The following ELOVL1 variants were observed in gnomAD, a reference collection of about 807,000 sequenced individuals.
ELOVL1 encodes ELOVL fatty acid elongase 1.
In ELOVL1, 10 loss-of-function variants were observed where a neutral mutation model predicts 37.8. The ratio of observed to expected loss-of-function variants is 0.26; its 90% CI spans 0.16 to 0.45. The LOEUF is 0.45. Ranked by LOEUF, ELOVL1 falls within the 20% of genes least tolerant of loss-of-function variation. The pLI is 1.00. For synonymous variants in ELOVL1, 133 were observed against 123.8 expected, an observed-to-expected ratio of 1.07 and a Z score of -0.49; for missense variants, 256 against 352.7, an observed-to-expected ratio of 0.73 and a Z score of 2.20.
In ELOVL1 at chr1:43,364,958, C is replaced by T; in HGVS notation, c.288G>A (p.Val96=). ...LSTYTWRCDP[V]DYSNSPEALR... is the part of the protein sequence containing the mutation. ...GTGCCTCAGGGCTGTTGGAATAGTC[C>T]ACAGGGTCACAGCGCCAGGTATAGG... The change falls in exon 4 of 8, where the codon GTG becomes GTA. Residue 96 remains valine, a synonymous_variant. Transcript: ENST00000372458. This position sits in a 1 kb window ranked among gnomAD's most constrained non-coding sequence, Gnocchi z 5.2. 1 of 1,613,942 alleles carries T rather than the reference C, an allele frequency of 6.2e-7. No individual in the cohort carries two copies. The highest frequency in any genetic ancestry group is 8.5e-7 in the Non-Finnish European group (1 of 1,179,942).
rs1482862612 is a variant in ELOVL1 at position 43,364,994 on chromosome 1, G to C, written c.252C>G (p.Gly84=). 3 of 1,613,612 alleles carry C rather than the reference G, an allele frequency of 1.9e-6. No homozygotes were observed. The South Asian group carries it at 3.3e-5, about 18-fold the overall frequency. The part of the protein sequence containing the change: ...LYIVYEFLMS[G]WLSTYTWRCD... ...AGCGCCAGGTATAGGTGCTCAGCCA[G>C]CCCGACATCAGGAACTGGGAAGGGA... Residue 84 remains glycine (G), a synonymous_variant, in exon 4 of 8, where the codon GGC becomes GGG. Coordinates refer to ENST00000372458, the MANE Select transcript of ELOVL1 (RefSeq NM_022821.4). The surrounding 1 kb of genome is among the most constrained non-coding windows in gnomAD (Gnocchi z 5.2).
chr1:43,363,562 C>A lies in ELOVL1; in HGVS notation c.*354G>T, dbSNP rs1647185322. The A allele has an allele frequency of 5.2e-6, 2 of 384,280 alleles. No individual in the cohort carries two copies. The highest frequency in any genetic ancestry group is 9.6e-6 in the Non-Finnish European group (2 of 208,676). The allele number at this position is 384,280 out of a possible 1,614,324, so 23.8% of individuals were successfully genotyped here. ...GGGTCCACAGTGACATTATTGCTGA[C>A]CTCTTCTGTGTGAGGAAAAAGGCCA... On this transcript the variant is annotated 3_prime_UTR_variant, in exon 8 of 8. Coordinates refer to ENST00000372458, the MANE Select transcript of ELOVL1 (RefSeq NM_022821.4).
chr1:43,363,914 T>G lies in ELOVL1; in HGVS notation c.*2A>C. ...GGTGGGCGCCTATCTAGGCCATGCTTCTCAGTTGGCCTTGACCTTGGCAAT... is the reference window on the plus strand; with the variant it reads ...GGTGGGCGCCTATCTAGGCCATGCTGCTCAGTTGGCCTTGACCTTGGCAAT... On this transcript the variant is annotated 3_prime_UTR_variant, in exon 8 of 8. Coordinates refer to ENST00000372458, the MANE Select transcript of ELOVL1 (RefSeq NM_022821.4). The G allele has an allele frequency of 6.2e-7, 1 of 1,612,726 alleles. No homozygotes were observed. The highest frequency in any genetic ancestry group is 8.5e-7 in the Non-Finnish European group (1 of 1,179,894).
In ELOVL1 at chr1:43,364,755, T is replaced by C; in HGVS notation, c.358A>G (p.Ile120Val). Residue 120 changes from isoleucine (I) to valine (V), a missense_variant, in exon 5 of 8, where the codon ATT becomes GTT. Physicochemically the swap from Ile to Val is conservative, Grantham distance 29. Coordinates refer to ENST00000372458, the MANE Select transcript of ELOVL1 (RefSeq NM_022821.4). This position sits in a 1 kb window ranked among gnomAD's most constrained non-coding sequence, Gnocchi z 5.2. ...VAWLFLFSKF[I>V]ELMDTVIFIL... is the part of the protein sequence containing the mutation. The stretch of plus-strand genomic sequence containing the variant: ...CTACTCACTGTGTCCATCAGCTCAA[T>C]GAACTTGGAGAAGAGGAAGAGCCAG... 6.2e-7 allele frequency: 1 copy of C among 1,614,162 alleles called. No individual in the cohort carries two copies. The highest frequency in any genetic ancestry group is 1.7e-5 in the Admixed American group (1 of 60,014).
Position 43,364,249 on chromosome 1 carries a change from C to A in ELOVL1, c.618+75G>T, listed in dbSNP as rs1647195051. The A allele has an allele frequency of 6.2e-7, 1 of 1,611,240 alleles. No individual in the cohort carries two copies. Among genetic ancestry groups the A allele is most frequent in the Non-Finnish European group, 8.5e-7 (1 of 1,178,562 alleles). ...GGGAGAGATGGGGTCAAAGGTGAGA[C>A]AGACTGGATAAAGGCAGGATCCAGG... On this transcript the variant is annotated intron_variant, in intron 7 of 7. Coordinates refer to ENST00000372458, the MANE Select transcript of ELOVL1 (RefSeq NM_022821.4). This position sits in a 1 kb window ranked among gnomAD's most constrained non-coding sequence, Gnocchi z 5.2.
In ELOVL1 at chr1:43,364,178, G is replaced by A. The variant is rs756714637; in HGVS notation, c.619-41C>T. On this transcript the variant is annotated intron_variant, in intron 7 of 7. Coordinates refer to ENST00000372458, the MANE Select transcript of ELOVL1 (RefSeq NM_022821.4). This position sits in a 1 kb window ranked among gnomAD's most constrained non-coding sequence, Gnocchi z 5.2. ...ACCAGGGTCAGAGGGAATAGTGAGA[G>A]GACTAGAGGGGAAGAGGGGGTAGAG... 2 of 1,611,490 alleles carry A rather than the reference G, an allele frequency of 1.2e-6. No homozygotes were observed. The highest frequency in any genetic ancestry group is 2.7e-5 in the African/African-American group (2 of 74,780).
intron 1 of ELOVL1, among the ~76,000 whole-genome samples, chr1:43,366,094 C>T (rs920151651): frequency 1.3e-5 from 2 of 152,022 alleles, no homozygotes; most frequent in African/African-American, 4.8e-5. Context: ...CTCTTCCCAT[C>T]CCTCTGGACC....
rs984145675 is a variant in ELOVL1 at position 43,364,221 on chromosome 1, G to C, written c.619-84C>G. The C allele has an allele frequency of 1.2e-5, 20 of 1,609,754 alleles. No individual in the cohort carries two copies. In the African/African-American group the frequency reaches 2.4e-4, roughly 19 times the overall value. On this transcript the variant is annotated intron_variant, in intron 7 of 7. Coordinates refer to ENST00000372458, the MANE Select transcript of ELOVL1 (RefSeq NM_022821.4). This position sits in a 1 kb window ranked among gnomAD's most constrained non-coding sequence, Gnocchi z 5.2. ...GGGTAGAGAAAGAGACAAACGTTGAGTAGGGAGAGATGGGGTCAAAGGTGA... is the reference window on the plus strand; with the variant it reads ...GGGTAGAGAAAGAGACAAACGTTGACTAGGGAGAGATGGGGTCAAAGGTGA...
Position 43,364,250 on chromosome 1 carries a change from A to T in ELOVL1, c.618+74T>A. 1 of 1,611,986 alleles carries T rather than the reference A, an allele frequency of 6.2e-7. No individual in the cohort carries two copies. Among genetic ancestry groups the T allele is most frequent in the East Asian group, 2.2e-5 (1 of 44,858 alleles). ...GGAGAGATGGGGTCAAAGGTGAGAC[A>T]GACTGGATAAAGGCAGGATCCAGGC... On this transcript the variant is annotated intron_variant, in intron 7 of 7. Transcript: ENST00000372458. This position sits in a 1 kb window ranked among gnomAD's most constrained non-coding sequence, Gnocchi z 5.2.
rs200393447 is a variant in ELOVL1 at position 43,365,357 on chromosome 1, G to A, written c.66C>T (p.Tyr22=). 52 of 1,612,854 alleles carry A rather than the reference G, an allele frequency of 3.2e-5. No individual in the cohort carries two copies. In the East Asian group the frequency reaches 1.1e-3, roughly 35 times the overall value. Residue 22 remains tyrosine (Y), a synonymous_variant, in exon 3 of 8, where the codon TAC becomes TAT. Coordinates refer to ENST00000372458, the MANE Select transcript of ELOVL1 (RefSeq NM_022821.4). The part of the protein sequence containing the change: ...MKHADPRIQG[Y]PLMGSPLLMT... ...TTAGCAAGGGGGACCCCATCAGAGGGTAGCCCTGGATCCGGGGATCTATGA... is the reference window on the plus strand; with the variant it reads ...TTAGCAAGGGGGACCCCATCAGAGGATAGCCCTGGATCCGGGGATCTATGA...
intron 1 of ELOVL1, 61 bp from the exon 2 acceptor site, chr1:43,365,684 G>T: frequency 6.5e-7 from 1 of 1,536,142 alleles, no homozygotes; most frequent in South Asian, 1.1e-5. Context: ...ATCCCACAGA[G>T]ATAAGACACA....
intron 1 of ELOVL1, chr1:43,366,191 A>G (rs1240299434): frequency 1.2e-5 from 2 of 162,514 alleles, no homozygotes; most frequent in African/African-American, 2.4e-5. Flanking sequence ...CCAGAACCTT[A>G]TCCTCGGATT....
At chr1:43,365,450 A>G (rs1012493766) in intron 2 of ELOVL1, 74 bp from the exon 3 acceptor site, 3 of 1,609,820 alleles carry the variant, frequency 1.9e-6, no homozygotes, top group African/African-American at 1.3e-5. Context: ...GTCTACAGAC[A>G]TGAGGTCAGG....
Position 43,365,014 on chromosome 1 carries a change from A to T in ELOVL1, c.238-6T>A, listed in dbSNP as rs372686851. 8 of 1,612,500 alleles carry T rather than the reference A, an allele frequency of 5.0e-6. No individual in the cohort carries two copies. The African/African-American group carries it at 6.7e-5, about 13-fold the overall frequency. On this transcript the variant is annotated splice_polypyrimidine_tract_variant and splice_region_variant and intron_variant, in intron 3 of 7. Coordinates refer to ENST00000372458, the MANE Select transcript of ELOVL1 (RefSeq NM_022821.4). ...AGCCAGCCCGACATCAGGAACTGGG[A>T]AGGGATGTGGATTAGACCACCAGAG... is the stretch of plus-strand genomic sequence containing the variant.
Position 43,365,197 on chromosome 1 carries a change from T to C in ELOVL1, c.226A>G (p.Ile76Val). 1 of 1,613,870 alleles carries C rather than the reference T, an allele frequency of 6.2e-7. No individual in the cohort carries two copies. Among genetic ancestry groups the C allele is most frequent in the African/African-American group, 1.3e-5 (1 of 74,960 alleles). ...NFSLVALSLY[I>V]VYEFLMSGWL... is the part of the protein sequence containing the mutation. ...TCCCAGGGGCCCACCTCATAGACAA[T>C]GTAGAGGGAGAGTGCCACCAGTGAG... Residue 76 changes from isoleucine to valine, a missense_variant, in exon 3 of 8, where the codon ATT becomes GTT. Ile to Val is a conservative substitution (Grantham distance 29). This residue lies in a region of ELOVL1 where 158 missense variants were observed against 189.4 expected (regional missense o/e 0.83). Coordinates refer to ENST00000372458, the MANE Select transcript of ELOVL1 (RefSeq NM_022821.4).
chr1:43,365,545 C>T lies in ELOVL1; in HGVS notation c.46+19G>A. ...TCCCGGGAAAGAAGGAAGGAAAGGG[C>T]TGGTGGATAGCGTCTTACCTGCGTG... On this transcript the variant is annotated intron_variant, in intron 2 of 7. Transcript: ENST00000372458. 1 of 1,614,074 alleles carries T rather than the reference C, an allele frequency of 6.2e-7. No homozygotes were observed. Among genetic ancestry groups the T allele is most frequent in the East Asian group, 2.2e-5 (1 of 44,868 alleles).
Position 43,365,396 on chromosome 1 carries a change from G to A in ELOVL1, c.47-20C>T, listed in dbSNP as rs374025661. 14 of 1,609,518 alleles carry A rather than the reference G, an allele frequency of 8.7e-6. No homozygotes were observed. The African/African-American group carries it at 1.9e-4, about 22-fold the overall frequency. ...GGGGATCTATGAATAAGGGTCAAAG[G>A]AATCAGGAAGAGTCACAGGGTTCGA... On this transcript the variant is annotated intron_variant, in intron 2 of 7. Transcript: ENST00000372458.
Position 43,363,750 on chromosome 1 carries a change from G to A in ELOVL1, c.*166C>T. The A allele has an allele frequency of 1.6e-6, 1 of 644,738 alleles. No individual in the cohort carries two copies. The highest frequency in any genetic ancestry group is 1.8e-5 in the African/African-American group (1 of 54,914). 39.9% of individuals were successfully genotyped at this position (644,738 alleles called of 1,614,324 possible). A position where few individuals can be genotyped will look rare whatever the true frequency, so the allele number is the denominator to read the frequency against. ...CGGGGGAAGTGGGTGAGGAACCAAA[G>A]CCGTGGTCCCTGTAGAGCAGCTGTG... is the stretch of plus-strand genomic sequence containing the variant. On this transcript the variant is annotated 3_prime_UTR_variant, in exon 8 of 8. Coordinates refer to ENST00000372458, the MANE Select transcript of ELOVL1 (RefSeq NM_022821.4).
At position 43,363,410 on chromosome 1, in the gene ELOVL1, C is replaced by T. The variant is rs1647183637; in HGVS notation, c.*506G>A. On this transcript the variant is annotated 3_prime_UTR_variant, in exon 8 of 8. Coordinates refer to ENST00000372458, the MANE Select transcript of ELOVL1 (RefSeq NM_022821.4). Reference sequence around the variant, plus strand: ...ATACACACAGCCTCCGTGGTTTCCTCTGTCACTTTTAATTAAGACACAAGT... The same window carrying T: ...ATACACACAGCCTCCGTGGTTTCCTTTGTCACTTTTAATTAAGACACAAGT... The T allele has an allele frequency of 2.1e-6, 1 of 478,708 alleles. No individual in the cohort carries two copies. Among genetic ancestry groups the T allele is most frequent in the Non-Finnish European group, 3.7e-6 (1 of 271,322 alleles). 29.7% of individuals were successfully genotyped at this position (478,708 alleles called of 1,614,324 possible).
Sources: gnomAD v4.1 joint callset for allele counts (sites outside exome capture counted in the v4.1 genomes callset) on GRCh38, gnomAD v4.1.1 for gene constraint, gnomAD v4.1.1 regional missense constraint, Gnocchi (gnomAD v3.1) non-coding constraint, MANE v1.5 for transcripts, NCBI Gene and HGNC (gene_info 2026-07-23, HGNC 2026-07-21) for gene names.